The following SPOCK3 variants were observed in gnomAD, a reference collection of about 807,000 sequenced individuals.
The protein encoded by SPOCK3 is testican-3.
SPOCK3 carries 30 observed loss-of-function variants against 56.6 expected under a neutral mutation model. The ratio of observed to expected loss-of-function variants is 0.53; its 90% CI spans 0.40 to 0.72. The LOEUF (loss-of-function observed/expected upper bound fraction) is 0.72, where lower values mean the gene tolerates loss of function less well. Ranked by LOEUF, SPOCK3 falls within the 30% of genes least tolerant of loss-of-function variation. SPOCK3 has a pLI of 0.00. For synonymous variants in SPOCK3, 196 were observed against 183.3 expected (o/e 1.07, Z -0.56); for missense variants, 527 against 530.0 (o/e 0.99, Z 0.06).
intron 4 of SPOCK3, among the ~76,000 whole-genome samples, chr4:166,965,857 A>G (rs909251761): frequency 6.6e-6 from 1 of 152,072 alleles, no homozygotes; most frequent in Non-Finnish European, 1.5e-5. Flanking sequence ...TTATAATCAC[A>G]CAAAATCTAT....
In SPOCK3 at chr4:166,778,887, C is replaced by T. The variant is rs528374416; in HGVS notation, c.709+13283G>A. On this transcript the variant is annotated intron_variant, in intron 7 of 10. Transcript: ENST00000357545. ...TTTTCATGGTGCAAGGTAGCAATAACACTGGTAGAAAAAAATGCAGACTTT... is the reference window on the plus strand; with the variant it reads ...TTTTCATGGTGCAAGGTAGCAATAATACTGGTAGAAAAAAATGCAGACTTT... Among the ~76,000 whole-genome samples, 39 of 152,040 alleles carry T rather than the reference C, an allele frequency of 2.6e-4. No individual in the cohort carries two copies. The South Asian group carries it at 4.8e-3, about 19-fold the overall frequency.
intron 2 of SPOCK3, among the ~76,000 whole-genome samples, chr4:167,203,954 A>T (rs1372296755): frequency 6.6e-6 from 1 of 152,070 alleles, no homozygotes; most frequent in Non-Finnish European, 1.5e-5. Context: ...TGTAGCAGAA[A>T]CTGCTTGTTT....
At chr4:166,988,710 C>T (rs1747439023) in intron 4 of SPOCK3, among the ~76,000 whole-genome samples, 1 of 152,038 alleles carries the variant, frequency 6.6e-6, no homozygotes. Context: ...CAACTCCTAG[C>T]TATGGCAATT....
At chr4:166,919,840 T>C (rs1050458662) in intron 4 of SPOCK3, among the ~76,000 whole-genome samples, 3 of 152,160 alleles carry the variant, frequency 2.0e-5, no homozygotes, top group African/African-American at 7.2e-5. Context: ...GTTATCATCA[T>C]TGAAAGAAGT....
chr4:167,126,502 T>C (rs903863762), intron 2 of SPOCK3, among the ~76,000 whole-genome samples: 6 of 152,056 alleles, frequency 3.9e-5, no homozygotes, highest in Admixed American at 1.3e-4. Context: ...TGAGCCGATA[T>C]CATGCTATTG....
At chr4:167,225,583 T>G (rs757645963) in intron 2 of SPOCK3, among the ~76,000 whole-genome samples, 7 of 152,098 alleles carry the variant, frequency 4.6e-5, no homozygotes, top group Non-Finnish European at 7.4e-5. Context: ...CCTTGTAATA[T>G]AATCATGCCA....
chr4:167,044,257 C>G (rs1366298410), intron 3 of SPOCK3, among the ~76,000 whole-genome samples: 1 of 151,896 alleles, frequency 6.6e-6, no homozygotes. Flanking sequence ...TACTTATTAT[C>G]CTTTTAATGT....
At chr4:166,746,509 C>T (rs1197844930) in intron 8 of SPOCK3, among the ~76,000 whole-genome samples, 2 of 152,096 alleles carry the variant, frequency 1.3e-5, no homozygotes, top group African/African-American at 4.8e-5. Flanking sequence ...ATTTATAGCA[C>T]TAAATGCCCA....
At chr4:167,083,422 C>T (rs578137252) in intron 2 of SPOCK3, among the ~76,000 whole-genome samples, 6 of 152,104 alleles carry the variant, frequency 3.9e-5, no homozygotes, top group Admixed American at 2.0e-4. Flanking sequence ...AGCCCACTGA[C>T]GTGGCCTTTC....
chr4:167,228,447 A>C (rs1736814111), intron 2 of SPOCK3, among the ~76,000 whole-genome samples: 1 of 152,154 alleles, frequency 6.6e-6, no homozygotes, highest in South Asian at 2.1e-4. Flanking sequence ...TAGAAAATCG[A>C]GTAAAGTTTT....
In SPOCK3 at chr4:167,059,624, C is replaced by T. The variant is rs544660451; in HGVS notation, c.235+2868G>A. 7.8e-4 allele frequency among the ~76,000 whole-genome samples: 118 copies of T among 152,000 alleles called. 1 individual carries two copies. The East Asian group carries it at 9.1e-3, about 12-fold the overall frequency. The stretch of plus-strand genomic sequence containing the variant: ...CCTCAGGGATCTAGAACTAGAAATA[C>T]CATTTGACCCAGCCATCCCATTACT... On this transcript the variant is annotated intron_variant, in intron 3 of 10. Transcript: ENST00000357545.
At chr4:167,121,895 C>T (rs572013931) in intron 2 of SPOCK3, among the ~76,000 whole-genome samples, 1 of 148,334 alleles carries the variant, frequency 6.7e-6, no homozygotes, top group South Asian at 2.1e-4. Flanking sequence ...TTATAAGTGT[C>T]ATACATAAAA....
chr4:167,191,132 T>A (rs1580566125), intron 2 of SPOCK3, among the ~76,000 whole-genome samples: 1 of 146,138 alleles, frequency 6.8e-6, no homozygotes, highest in African/African-American at 2.6e-5. Flanking sequence ...TCATACACAG[T>A]ATAGGATTGT....
intron 4 of SPOCK3, among the ~76,000 whole-genome samples, chr4:166,947,530 G>A (rs937949446): frequency 6.6e-6 from 1 of 152,006 alleles, no homozygotes; most frequent in African/African-American, 2.4e-5. Context: ...TCTCACAAAT[G>A]AGATTATTGG....
intron 8 of SPOCK3, among the ~76,000 whole-genome samples, chr4:166,746,853 C>T (rs1222929455): frequency 6.6e-6 from 1 of 152,096 alleles, no homozygotes; most frequent in Non-Finnish European, 1.5e-5. Flanking sequence ...ATACTGTAAA[C>T]ACCTTTACAC....
At chr4:167,005,689 A>G (rs939231072) in intron 3 of SPOCK3, among the ~76,000 whole-genome samples, 2 of 152,304 alleles carry the variant, frequency 1.3e-5, no homozygotes, top group African/African-American at 4.8e-5. Flanking sequence ...TAGAATTTCA[A>G]TGTCCTTTAA....
chr4:167,100,057 T>C (rs985703559), intron 2 of SPOCK3, among the ~76,000 whole-genome samples: 5 of 152,312 alleles, frequency 3.3e-5, no homozygotes, highest in Admixed American at 6.5e-5. Flanking sequence ...TGATGTGAAT[T>C]AAGCTTGGAT....
At chr4:167,012,420 G>C (rs1232823792) in intron 3 of SPOCK3, among the ~76,000 whole-genome samples, 1 of 151,864 alleles carries the variant, frequency 6.6e-6, no homozygotes, top group Non-Finnish European at 1.5e-5. Context: ...AAACACATAA[G>C]CAAATATACC....
chr4:166,995,813 T>C (rs1331683477), intron 4 of SPOCK3, among the ~76,000 whole-genome samples: 1 of 152,156 alleles, frequency 6.6e-6, no homozygotes, highest in Non-Finnish European at 1.5e-5. Flanking sequence ...AATACAGTCA[T>C]ATTCCATAGA....
Sources: allele counts gnomAD v4.1 joint callset (sites outside exome capture counted in the v4.1 genomes callset), GRCh38; gene constraint gnomAD v4.1.1; transcripts MANE v1.5; gene names NCBI Gene and HGNC (gene_info 2026-07-23, HGNC 2026-07-21).